Variants in IPO5 observed in about 807,000 individuals in gnomAD.
IPO5 encodes the protein importin-5.
IPO5 carries 18 observed loss-of-function variants against 143.3 expected under a neutral mutation model. That is an observed-to-expected ratio of 0.13 (90% CI 0.09 to 0.19). IPO5 has a LOEUF of 0.19. Among genes scored for constraint, IPO5 ranks in the 10% least tolerant of loss-of-function variants. The pLI, the probability that IPO5 is intolerant of heterozygous loss-of-function variation, is 1.00. For synonymous variants in IPO5, 477 were observed against 465.7 expected, an observed-to-expected ratio of 1.02 and a Z score of -0.31; for missense variants, 1,013 against 1,336.9, an observed-to-expected ratio of 0.76 and a Z score of 3.78.
At chr13:98,016,544 A>G (rs1383343641) in intron 24 of IPO5, among the ~76,000 whole-genome samples, 185 bp from the exon 25 acceptor site, 1 of 152,138 alleles carries the variant, frequency 6.6e-6, no homozygotes, top group Non-Finnish European at 1.5e-5. Flanking sequence ...CTGGCCTTTG[A>G]TTAGTAAGAG....
At chr13:97,955,751 G>A (rs186095609) in intron 2 of IPO5, among the ~76,000 whole-genome samples, 2 of 152,292 alleles carry the variant, frequency 1.3e-5, no homozygotes, top group East Asian at 3.9e-4. Context: ...AGCTAGTTAA[G>A]GGGGAAGCTG....
intron 3 of IPO5, among the ~76,000 whole-genome samples, chr13:97,974,482 G>C (rs1181595646): frequency 1.3e-5 from 2 of 151,644 alleles, no homozygotes; most frequent in Non-Finnish European, 2.9e-5. Flanking sequence ...GCTAATTTTT[G>C]TATTTTTAGT....
intron 3 of IPO5, among the ~76,000 whole-genome samples, chr13:97,974,173 T>C (rs185776620): frequency 6.6e-6 from 1 of 152,344 alleles, no homozygotes; most frequent in East Asian, 1.9e-4. Context: ...ACAGACTCAT[T>C]GCCAATAGAA....
At chr13:98,017,259 T>C (rs1890179927) in intron 25 of IPO5, among the ~76,000 whole-genome samples, 1 of 151,788 alleles carries the variant, frequency 6.6e-6, no homozygotes, top group Admixed American at 6.6e-5. Flanking sequence ...TATATATATG[T>C]ATTTTTTTTT....
chr13:97,961,502 A>C (rs1884880595), intron 2 of IPO5, among the ~76,000 whole-genome samples: 1 of 152,162 alleles, frequency 6.6e-6, no homozygotes, highest in South Asian at 2.1e-4. Flanking sequence ...CAGCTTATTC[A>C]GACTGTTTTC....
intron 11 of IPO5, among the ~76,000 whole-genome samples, chr13:97,995,783 T>G (rs960324121): frequency 6.6e-6 from 1 of 151,856 alleles, no homozygotes; most frequent in African/African-American, 2.4e-5. Context: ...AATAATAATT[T>G]GGGGTCTACT....
chr13:98,003,182 GA>G, intron 16 of IPO5, 145 bp downstream of exon 16: 1 of 687,260 alleles, frequency 1.5e-6, no homozygotes, highest in Non-Finnish European at 2.5e-6. Flanking sequence ...CGGAGTTGTG[GA>G]ATGATGAGTA....
At chr13:97,999,355 G>C (rs1007829400) in intron 12 of IPO5, among the ~76,000 whole-genome samples, 6 of 152,126 alleles carry the variant, frequency 3.9e-5, no homozygotes, top group African/African-American at 1.4e-4. Context: ...CCTGATAACG[G>C]CTGAAGAGAA....
In IPO5 at chr13:98,024,265, A is replaced by AG. The variant is rs1738053784; in HGVS notation, c.*2443_*2444insG. On this transcript the variant is annotated 3_prime_UTR_variant, in exon 29 of 29. Transcript: ENST00000651721. ...GTTGTAGTTTGACAGAACCATCAGT[A>AG]AAGACATAAGCAAATAAATGGTCTT... is the stretch of plus-strand genomic sequence containing the variant. 4 of 152,244 alleles carry AG rather than the reference A, an allele frequency of 2.6e-5. No individual in the cohort carries two copies. The South Asian group carries it at 8.3e-4, about 31-fold the overall frequency. The allele number at this position is 152,244 out of a possible 1,614,324, so 9.4% of individuals were successfully genotyped here. A position where few individuals can be genotyped will look rare whatever the true frequency, so the allele number is the denominator to read the frequency against.
chr13:98,009,774 G>A (rs1250331716), intron 18 of IPO5, 107 bp from the exon 19 acceptor site: 2 of 843,974 alleles, frequency 2.4e-6, no homozygotes, highest in Non-Finnish European at 3.7e-6. Context: ...TTAAAGTACT[G>A]TGAACATATC....
At position 98,023,385 on chromosome 13, in the gene IPO5, C is replaced by G. The variant is rs1890601225; in HGVS notation, c.*1563C>G. The G allele has an allele frequency of 6.6e-6, 1 of 152,180 alleles. No homozygotes were observed. The highest frequency in any genetic ancestry group is 1.5e-5 in the Non-Finnish European group (1 of 68,038). The allele number at this position is 152,180 out of a possible 1,614,324, so 9.4% of individuals were successfully genotyped here. ...TGGAGTAAAAAGTGTGTCAAGACAA[C>G]CCCTTTCTGCTTTCTTATGTAGCAT... On this transcript the variant is annotated 3_prime_UTR_variant, in exon 29 of 29. Coordinates refer to ENST00000651721, the MANE Select transcript of IPO5 (RefSeq NM_002271.6).
In IPO5 at chr13:98,024,078, C is replaced by A. The variant is rs947995508; in HGVS notation, c.*2256C>A. 6.6e-6 allele frequency: 1 copy of A among 151,998 alleles called. No homozygotes were observed. Among genetic ancestry groups the A allele is most frequent in the Non-Finnish European group, 1.5e-5 (1 of 67,998 alleles). 9.4% of individuals were successfully genotyped at this position (151,998 alleles called of 1,614,324 possible). A position where few individuals can be genotyped will look rare whatever the true frequency, so the allele number is the denominator to read the frequency against. On this transcript the variant is annotated 3_prime_UTR_variant, in exon 29 of 29. Transcript: ENST00000651721. ...AGGGGAAAAATGTGTGTGGCTCTTACGTTTTCTGGGAATTTTGTAACAAGT... is the reference window on the plus strand; with the variant it reads ...AGGGGAAAAATGTGTGTGGCTCTTAAGTTTTCTGGGAATTTTGTAACAAGT...
intron 2 of IPO5, among the ~76,000 whole-genome samples, chr13:97,967,300 A>G (rs978442910): frequency 7.9e-5 from 12 of 152,154 alleles, no homozygotes; most frequent in Non-Finnish European, 1.6e-4. Flanking sequence ...TGGTCAGTAC[A>G]GCCAAAAGTT....
intron 5 of IPO5, among the ~76,000 whole-genome samples, chr13:97,984,123 CGCCCG>C (rs1231683836): frequency 2.7e-5 from 4 of 149,086 alleles, no homozygotes; most frequent in African/African-American, 9.8e-5. Flanking sequence ...GGACTACAGG[CGCCCG>C]CCACTACGCC....
chr13:98,019,423 T>A (rs955379056), intron 26 of IPO5, among the ~76,000 whole-genome samples, 158 bp from the exon 27 acceptor site: 4 of 152,230 alleles, frequency 2.6e-5, no homozygotes, highest in Admixed American at 6.5e-5. Context: ...CCCCCTCTGT[T>A]GCCATTCTGT....
intron 20 of IPO5, among the ~76,000 whole-genome samples, 165 bp downstream of exon 20, chr13:98,010,389 T>C (rs1200521257): frequency 6.6e-6 from 1 of 152,220 alleles, no homozygotes; most frequent in Admixed American, 6.5e-5. Flanking sequence ...GATAAACCTT[T>C]CATTATCAGT....
chr13:97,979,106 TAATGA>T (rs1566479474), intron 4 of IPO5, among the ~76,000 whole-genome samples: 2 of 152,182 alleles, frequency 1.3e-5, no homozygotes, highest in Admixed American at 6.5e-5. Flanking sequence ...CTTTTTTGCC[TAATGA>T]AATAAGCGTT....
intron 16 of IPO5, 22 bp from the exon 17 acceptor site, chr13:98,006,105 GTAA>G (rs773487863): frequency 1.9e-5 from 29 of 1,490,344 alleles, no homozygotes; most frequent in Non-Finnish European, 2.7e-5. Flanking sequence ...TTCCTTTGAG[GTAA>G]TAATTTGTGT....
intron 4 of IPO5, chr13:97,981,390 T>C (rs1886835025): frequency 5.2e-6 from 2 of 382,552 alleles, no homozygotes; most frequent in East Asian, 8.3e-5. Flanking sequence ...ATTCATTGTC[T>C]ATGATCTTAG....
Sources: allele counts gnomAD v4.1 joint callset (sites outside exome capture counted in the v4.1 genomes callset), GRCh38; gene constraint gnomAD v4.1.1; transcripts MANE v1.5; gene names NCBI Gene and HGNC (gene_info 2026-07-23, HGNC 2026-07-21).